KIAA1217: variants seen among roughly 807,000 people sequenced by gnomAD.
KIAA1217 encodes the protein sickle tail protein homolog.
In KIAA1217, 88 loss-of-function variants were observed where a neutral mutation model predicts 163.9. The observed-to-expected ratio is 0.54, with a 90% confidence interval of 0.45 to 0.64. KIAA1217 has a LOEUF of 0.64. Ranked by LOEUF, KIAA1217 falls within the 30% of genes least tolerant of loss-of-function variation. The pLI is 0.00. For missense variants in KIAA1217, 2,372 were observed against 2,475.0 expected, an observed-to-expected ratio of 0.96 and a Z score of 0.88; for synonymous variants, 903 against 923.1, an observed-to-expected ratio of 0.98 and a Z score of 0.39.
At chr10:24,312,248 G>A (rs193093628) in intron 2 of KIAA1217, among the ~76,000 whole-genome samples, 90 of 151,862 alleles carry the variant, frequency 5.9e-4, no homozygotes, top group African/African-American at 2.0e-3. Context: ...AGACATGGCC[G>A]GAAGCCTCAA....
intron 1 of KIAA1217, among the ~76,000 whole-genome samples, chr10:23,993,064 C>T (rs1415516533): frequency 8.1e-6 from 1 of 124,044 alleles, no homozygotes; most frequent in African/African-American, 3.0e-5. Flanking sequence ...TGGAGTCTTA[C>T]TCTGTTGCCC....
chr10:23,759,668 AG>A (rs1834144599), intron 1 of KIAA1217, among the ~76,000 whole-genome samples: 6 of 152,258 alleles, frequency 3.9e-5, no homozygotes, highest in Non-Finnish European at 8.8e-5. Context: ...TAAGAACAAC[AG>A]TAACACTCTT....
intron 2 of KIAA1217, among the ~76,000 whole-genome samples, chr10:24,031,320 G>A (rs932438469): frequency 1.3e-5 from 2 of 151,964 alleles, no homozygotes; most frequent in Non-Finnish European, 2.9e-5. Context: ...CATTTATTTA[G>A]AGTCGGGTCT....
rs371485491 is a variant in KIAA1217 at position 23,993,780 on chromosome 10, A to G, written c.-320-13445A>G. Among the ~76,000 whole-genome samples the G allele has an allele frequency of 2.6e-5, 4 of 151,968 alleles. No individual in the cohort carries two copies. The East Asian group carries it at 5.8e-4, about 22-fold the overall frequency. On this transcript the variant is annotated intron_variant, in intron 1 of 18. Transcript: ENST00000376462. The stretch of plus-strand genomic sequence containing the variant: ...TTTTAGCAGAAAACGGGGTTTCACC[A>G]TTTTGGCCAGGCTGGTCTTGAACTC...
At chr10:24,023,758 G>A (rs192460017) in intron 2 of KIAA1217, among the ~76,000 whole-genome samples, 6 of 151,690 alleles carry the variant, frequency 4.0e-5, no homozygotes, top group Admixed American at 3.3e-4. Context: ...TTGTAATATT[G>A]TTATATAAAT....
At chr10:24,049,218 T>G (rs1849301249) in intron 2 of KIAA1217, among the ~76,000 whole-genome samples, 5 of 152,052 alleles carry the variant, frequency 3.3e-5, no homozygotes. Context: ...TCTGTAGTTT[T>G]GGTTACCCTG....
intron 2 of KIAA1217, among the ~76,000 whole-genome samples, chr10:24,325,011 C>A (rs1288009801): frequency 6.6e-6 from 1 of 152,130 alleles, no homozygotes; most frequent in Non-Finnish European, 1.5e-5. Context: ...AAAGTGTAAG[C>A]AGGTGACTCT....
At chr10:23,751,179 C>T (rs1839719414) in intron 1 of KIAA1217, among the ~76,000 whole-genome samples, 1 of 152,108 alleles carries the variant, frequency 6.6e-6, no homozygotes, top group East Asian at 1.9e-4. Flanking sequence ...AGGTGCATGC[C>T]ACCTTGCCGG....
chr10:24,167,720 G>A (rs1189554995), intron 2 of KIAA1217, among the ~76,000 whole-genome samples: 2 of 152,096 alleles, frequency 1.3e-5, no homozygotes, highest in Non-Finnish European at 2.9e-5. Flanking sequence ...ATGTTTTCTA[G>A]TGATCATTTA....
intron 3 of KIAA1217, among the ~76,000 whole-genome samples, chr10:24,402,535 A>AAAAAAC (rs2056704626): frequency 6.6e-6 from 1 of 150,996 alleles, no homozygotes; most frequent in Non-Finnish European, 1.5e-5. Flanking sequence ...AAACAAAAAA[A>AAAAAAC]AAAAAAAGGC....
chr10:23,790,541 G>GTATATA lies in KIAA1217; in HGVS notation c.-321+95308_-321+95309insATATAT, dbSNP rs1260402682. Among the ~76,000 whole-genome samples the GTATATA allele has an allele frequency of 7.5e-5, 5 of 66,840 alleles. 1 individual carries two copies. In the Admixed American group the frequency reaches 7.9e-4, roughly 11 times the overall value. The allele number at this position is 66,840 out of a possible 152,430, so 43.8% of individuals were successfully genotyped here. Reference sequence around the variant, plus strand: ...TATATATACATATATACATATACATGTGCATATATACATATGTACATATGT... The same window carrying GTATATA: ...TATATATACATATATACATATACATGTATATATGCATATATACATATGTACATATGT... On this transcript the variant is annotated intron_variant, in intron 1 of 18. Coordinates refer to the KIAA1217 transcript ENST00000376462.
intron 2 of KIAA1217, among the ~76,000 whole-genome samples, chr10:24,240,287 A>G (rs996405732): frequency 1.3e-5 from 2 of 152,216 alleles, no homozygotes; most frequent in Non-Finnish European, 2.9e-5. Flanking sequence ...CACACAGTGC[A>G]TGGCAGCGTG....
chr10:23,804,846 C>T (rs1013827663), intron 1 of KIAA1217, among the ~76,000 whole-genome samples: 1 of 152,132 alleles, frequency 6.6e-6, no homozygotes, highest in African/African-American at 2.4e-5. Context: ...TTTAATGACA[C>T]CTTAATATGC....
chr10:24,180,780 C>T (rs1215247571), intron 2 of KIAA1217, among the ~76,000 whole-genome samples: 1 of 152,180 alleles, frequency 6.6e-6, no homozygotes, highest in African/African-American at 2.4e-5. Context: ...TGTGAGTCTT[C>T]TATTGTTATT....
intron 2 of KIAA1217, among the ~76,000 whole-genome samples, chr10:24,115,749 C>G (rs909472248): frequency 6.6e-6 from 1 of 152,200 alleles, no homozygotes; most frequent in Non-Finnish European, 1.5e-5. Flanking sequence ...TGCATGGCGC[C>G]ACCAGGTAGG....
At chr10:24,082,386 T>C (rs955519476) in intron 2 of KIAA1217, among the ~76,000 whole-genome samples, 1 of 152,106 alleles carries the variant, frequency 6.6e-6, no homozygotes, top group Non-Finnish European at 1.5e-5. Flanking sequence ...TTTTCCCTAA[T>C]GTTCTCCCCC....
intron 2 of KIAA1217, among the ~76,000 whole-genome samples, chr10:24,229,930 C>T (rs984372358): frequency 1.3e-5 from 2 of 151,930 alleles, no homozygotes; most frequent in Non-Finnish European, 2.9e-5. Context: ...CACAAATCAC[C>T]GGTGAAGAAC....
chr10:23,706,529 T>A (rs992391538), intron 1 of KIAA1217, among the ~76,000 whole-genome samples: 1 of 152,116 alleles, frequency 6.6e-6, no homozygotes, highest in African/African-American at 2.4e-5. Flanking sequence ...ATTAAGATGA[T>A]TATTTGATTT....
intron 3 of KIAA1217, 60 bp from the exon 4 acceptor site, chr10:24,432,935 T>G (rs1288981439): frequency 1.4e-5 from 20 of 1,390,928 alleles, no homozygotes; most frequent in Non-Finnish European, 2.0e-5. Flanking sequence ...GTGGCTCAGC[T>G]TGTGCTGTGT....
Sources: allele counts gnomAD v4.1 joint callset (sites outside exome capture counted in the v4.1 genomes callset), GRCh38; gene constraint gnomAD v4.1.1; transcripts MANE v1.5; gene names NCBI Gene and HGNC (gene_info 2026-07-23, HGNC 2026-07-21).